RUNDC3B: variants seen among roughly 807,000 people sequenced by gnomAD.
The protein encoded by RUNDC3B is RUN domain-containing protein 3B.
Under a neutral mutation model 58.4 loss-of-function variants are expected in RUNDC3B, and 33 were observed. The ratio of observed to expected loss-of-function variants is 0.56; its 90% CI spans 0.43 to 0.75. The LOEUF is 0.75. Among genes scored for constraint, RUNDC3B ranks in the 30% least tolerant of loss-of-function variants. The pLI is 0.00. For synonymous variants in RUNDC3B, 193 were observed against 195.2 expected, an observed-to-expected ratio of 0.99 and a Z score of 0.10; for missense variants, 501 against 535.7, an observed-to-expected ratio of 0.94 and a Z score of 0.64.
intron 8 of RUNDC3B, among the ~76,000 whole-genome samples, chr7:87,788,308 A>G (rs2130901758): frequency 6.6e-6 from 1 of 152,318 alleles, no homozygotes; most frequent in Non-Finnish European, 1.5e-5. Flanking sequence ...CTGTAGTCCT[A>G]GTTTTTTGGG....
chr7:87,659,682 G>A (rs550426358), intron 2 of RUNDC3B, among the ~76,000 whole-genome samples: 2 of 152,030 alleles, frequency 1.3e-5, no homozygotes, highest in African/African-American at 2.4e-5. Flanking sequence ...CACACAGTCC[G>A]GGGTATAAGA....
rs560518166 is a variant in RUNDC3B, at chr7:87,827,181, C to T, written c.1226-2704C>T. Among the ~76,000 whole-genome samples, 3 of 152,078 alleles carry T rather than the reference C, an allele frequency of 2.0e-5. No homozygotes were observed. In the South Asian group the frequency reaches 6.2e-4, roughly 32 times the overall value. On this transcript the variant is annotated intron_variant, in intron 10 of 10. Coordinates refer to ENST00000394654, the MANE Select transcript of RUNDC3B (RefSeq NM_001134405.2). ...TATAAAGGAATAGACAAATATGTAA[C>T]AGGCAAATAAAAATACAAACAAGGG...
intron 10 of RUNDC3B, among the ~76,000 whole-genome samples, chr7:87,816,593 G>A (rs963272935): frequency 2.0e-5 from 3 of 152,120 alleles, no homozygotes; most frequent in African/African-American, 7.2e-5. Flanking sequence ...GCTAATGTCA[G>A]TTCTATCTTA....
chr7:87,684,746 CAAAAAAAAAAAAAAA>C (rs71524694), intron 2 of RUNDC3B, among the ~76,000 whole-genome samples: 2 of 37,790 alleles, frequency 5.3e-5, no homozygotes, highest in Non-Finnish European at 8.0e-5. Flanking sequence ...GACTCCGTCT[CAAAAAAAAAAAAAAA>C]AAAAAAAAAA....
At chr7:87,735,110 T>C (rs199662242) in intron 4 of RUNDC3B, among the ~76,000 whole-genome samples, 1 of 152,202 alleles carries the variant, frequency 6.6e-6, no homozygotes, top group Non-Finnish European at 1.5e-5. Context: ...TAATTTTTTT[T>C]CCCCTGTAAC....
At chr7:87,800,149 A>G (rs903344287) in intron 8 of RUNDC3B, among the ~76,000 whole-genome samples, 3 of 152,200 alleles carry the variant, frequency 2.0e-5, no homozygotes, top group African/African-American at 7.2e-5. Context: ...TTCAGGGGTT[A>G]GATCCTTATA....
At chr7:87,808,634 T>A (rs1434628875) in intron 9 of RUNDC3B, among the ~76,000 whole-genome samples, 2 of 152,106 alleles carry the variant, frequency 1.3e-5, no homozygotes, top group Non-Finnish European at 2.9e-5. Flanking sequence ...CTCTTCAACA[T>A]CTACTAAACC....
chr7:87,667,566 T>C (rs1182915677), intron 2 of RUNDC3B, among the ~76,000 whole-genome samples: 1 of 151,892 alleles, frequency 6.6e-6, no homozygotes, highest in South Asian at 2.1e-4. Context: ...CTTCTCAGTT[T>C]TCAAGGGGAA....
chr7:87,694,759 G>GA (rs563026896), intron 2 of RUNDC3B, among the ~76,000 whole-genome samples: 1,565 of 152,126 alleles, frequency 0.01, 30 homozygotes, highest in African/African-American at 0.036. Context: ...TGGTGGAAGG[G>GA]AAAAAACAAA....
At chr7:87,730,204 A>G (rs1476080516) in intron 4 of RUNDC3B, among the ~76,000 whole-genome samples, 1 of 152,124 alleles carries the variant, frequency 6.6e-6, no homozygotes, top group African/African-American at 2.4e-5. Context: ...GAAACAGAGA[A>G]TGAATGCAGG....
At chr7:87,824,995 A>G (rs1837718933) in intron 10 of RUNDC3B, among the ~76,000 whole-genome samples, 1 of 152,152 alleles carries the variant, frequency 6.6e-6, no homozygotes, top group Admixed American at 6.5e-5. Flanking sequence ...GAAAATTTGC[A>G]GCCTGACAAT....
chr7:87,794,806 A>T (rs1016241802), intron 8 of RUNDC3B, among the ~76,000 whole-genome samples: 2 of 152,172 alleles, frequency 1.3e-5, no homozygotes, highest in Non-Finnish European at 2.9e-5. Context: ...GGAATATAAT[A>T]GACAACCAAG....
At chr7:87,665,874 A>G (rs993400400) in intron 2 of RUNDC3B, among the ~76,000 whole-genome samples, 1 of 152,044 alleles carries the variant, frequency 6.6e-6, no homozygotes, top group Non-Finnish European at 1.5e-5. Context: ...AAATGATCTC[A>G]TTCTTTTTTA....
At chr7:87,674,742 T>G (rs1305613681) in intron 2 of RUNDC3B, among the ~76,000 whole-genome samples, 1 of 152,104 alleles carries the variant, frequency 6.6e-6, no homozygotes, top group Non-Finnish European at 1.5e-5. Context: ...GTTGGGCATC[T>G]GAGGCCGCAT....
At position 87,807,483 on chromosome 7, in the gene RUNDC3B, C is replaced by T. The variant is rs367695734; in HGVS notation, c.1067C>T (p.Thr356Met). The T allele has an allele frequency of 1.9e-5, 31 of 1,613,422 alleles. No individual in the cohort carries two copies. Among genetic ancestry groups the T allele is most frequent in the African/African-American group, 1.7e-4 (13 of 74,886 alleles). ...ALDVNAVALD[T>M]LLYRKHNKQW... ...GATGTCAATGCTGTTGCCTTGGATA[C>T]GTTGCTTTACCGAAAACACAATAAA... Residue 356 changes from threonine (T) to methionine (M), a missense_variant, in exon 9 of 11, where the codon ACG becomes ATG. Coordinates refer to ENST00000394654, the MANE Select transcript of RUNDC3B (RefSeq NM_001134405.2).
intron 6 of RUNDC3B, among the ~76,000 whole-genome samples, chr7:87,748,722 GA>G (rs1312668994): frequency 6.6e-6 from 1 of 152,004 alleles, no homozygotes; most frequent in Non-Finnish European, 1.5e-5. Flanking sequence ...TTCTAAAAAA[GA>G]ACACAGTCCC....
intron 4 of RUNDC3B, among the ~76,000 whole-genome samples, chr7:87,716,873 G>A (rs2130765860): frequency 6.6e-6 from 1 of 152,314 alleles, no homozygotes; most frequent in East Asian, 1.9e-4. Context: ...GTCTCACTCT[G>A]TCTTCTAGGC....
At chr7:87,689,396 G>A (rs920452331) in intron 2 of RUNDC3B, among the ~76,000 whole-genome samples, 1 of 152,056 alleles carries the variant, frequency 6.6e-6, no homozygotes, top group Non-Finnish European at 1.5e-5. Context: ...GCAATTTGCA[G>A]TACTTGTAAT....
rs912507395 is a variant in RUNDC3B at position 87,628,937 on chromosome 7, C to G, written c.114C>G (p.Thr38=). ...CGGTGGAGAGGAGGAACCTGATCAC[C>G]GTGTGCAGGTACGGCAGCGCAGGGC... The part of the protein sequence containing the change: ...NAAVERRNLI[T]VCRFSVKTLI... The change falls in exon 1 of 11, where the codon ACC becomes ACG. Residue 38 remains threonine, a synonymous_variant. Transcript: ENST00000394654. The G allele has an allele frequency of 4.6e-6, 6 of 1,309,936 alleles. No homozygotes were observed. The highest frequency in any genetic ancestry group is 3.2e-5 in the South Asian group (1 of 30,962). The allele number at this position is 1,309,936 out of a possible 1,614,324, so 81.1% of individuals were successfully genotyped here. A position where few individuals can be genotyped will look rare whatever the true frequency, so the allele number is the denominator to read the frequency against.
Sources: allele counts gnomAD v4.1 joint callset (sites outside exome capture counted in the v4.1 genomes callset), GRCh38; gene constraint gnomAD v4.1.1; transcripts MANE v1.5; gene names NCBI Gene and HGNC (gene_info 2026-07-23, HGNC 2026-07-21).